ALK: variants seen among roughly 807,000 people sequenced by gnomAD.
ALK encodes ALK tyrosine kinase receptor.
A neutral mutation model predicts 163.1 loss-of-function variants in ALK; 74 were observed. That is an observed-to-expected ratio of 0.45 (90% CI 0.38 to 0.55). ALK has a LOEUF of 0.55. Ranked by LOEUF, ALK falls within the 20% of genes least tolerant of loss-of-function variation. ALK has a pLI of 0.00. For missense variants in ALK, 2,063 were observed against 2,105.3 expected (o/e 0.98, Z 0.39); for synonymous variants, 960 against 843.2 (o/e 1.14, Z -2.40).
intron 5 of ALK, among the ~76,000 whole-genome samples, chr2:29,350,667 C>T (rs1487747388): frequency 2.6e-5 from 4 of 152,218 alleles, no homozygotes; most frequent in African/African-American, 7.2e-5. Context: ...CGACCATTTA[C>T]GGAGCACCTG....
chr2:29,890,814 T>G (rs1208226515), intron 1 of ALK: 1 of 152,100 alleles, frequency 6.6e-6, no homozygotes, highest in African/African-American at 2.4e-5. Flanking sequence ...GAGACTTGCC[T>G]CAGGCCACAC....
Position 29,921,292 on chromosome 2 carries a change from T to A in ALK, c.-633A>T, listed in dbSNP as rs1306677782. 1 of 233,106 alleles carries A rather than the reference T, an allele frequency of 4.3e-6. No individual in the cohort carries two copies. The highest frequency in any genetic ancestry group is 8.5e-6 in the Non-Finnish European group (1 of 118,064). The allele number at this position is 233,106 out of a possible 1,614,324, so 14.4% of individuals were successfully genotyped here. A position where few individuals can be genotyped will look rare whatever the true frequency, so the allele number is the denominator to read the frequency against. ...TGCCTGCTGAACTTCTGGGCGTGAATCCCAGCCCCCGCGCTGCGCAAGTTT... is the reference window on the plus strand; with the variant it reads ...TGCCTGCTGAACTTCTGGGCGTGAAACCCAGCCCCCGCGCTGCGCAAGTTT... On this transcript the variant is annotated 5_prime_UTR_variant, in exon 1 of 29. Transcript: ENST00000389048.
intron 4 of ALK, among the ~76,000 whole-genome samples, chr2:29,501,674 T>C (rs1406375380): frequency 2.0e-5 from 3 of 152,240 alleles, no homozygotes; most frequent in Non-Finnish European, 4.4e-5. Flanking sequence ...AAAACATTTT[T>C]TTTTATTGTG....
At position 29,381,456 on chromosome 2, in the gene ALK, C is replaced by T. The variant is rs760771726; in HGVS notation, c.1282+2276G>A. On this transcript the variant is annotated intron_variant, in intron 5 of 28. Coordinates refer to ENST00000389048, the MANE Select transcript of ALK (RefSeq NM_004304.5). ...CCACAGATAGATATTGTCTCCAATG[C>T]GGGGAGAATTGTCCCATGTCTCCTT... Among the ~76,000 whole-genome samples the T allele has an allele frequency of 1.4e-4, 22 of 152,322 alleles. No individual in the cohort carries two copies. The East Asian group carries it at 1.5e-3, about 11-fold the overall frequency.
chr2:29,611,226 T>C (rs1675682873), intron 3 of ALK, among the ~76,000 whole-genome samples: 1 of 152,060 alleles, frequency 6.6e-6, no homozygotes, highest in South Asian at 2.1e-4. Context: ...ATAGGCATTA[T>C]TTGGGTGGAT....
intron 3 of ALK, among the ~76,000 whole-genome samples, chr2:29,682,775 C>A (rs1294448542): frequency 9.2e-5 from 14 of 152,162 alleles, no homozygotes. Context: ...ATTGTAGGCA[C>A]CTTGCCTAAG....
chr2:29,274,456 G>A (rs1257539464), intron 11 of ALK, among the ~76,000 whole-genome samples: 3 of 152,244 alleles, frequency 2.0e-5, no homozygotes, highest in Non-Finnish European at 4.4e-5. Context: ...GCATGGGGCT[G>A]GGGCAGCCTT....
At chr2:29,552,441 A>T (rs1290759102) in intron 3 of ALK, among the ~76,000 whole-genome samples, 2 of 152,148 alleles carry the variant, frequency 1.3e-5, no homozygotes, top group East Asian at 3.9e-4. Context: ...TTCCATGGCA[A>T]CTACACCACT....
chr2:29,548,367 G>A (rs180693016), intron 3 of ALK, among the ~76,000 whole-genome samples: 147 of 152,162 alleles, frequency 9.7e-4, no homozygotes, highest in African/African-American at 3.5e-3. Flanking sequence ...CAGCTACTCC[G>A]GAGGTTGAGG....
intron 3 of ALK, among the ~76,000 whole-genome samples, chr2:29,667,614 C>T (rs1346504120): frequency 2.0e-5 from 3 of 151,944 alleles, no homozygotes; most frequent in African/African-American, 7.2e-5. Context: ...TATGTTGAAC[C>T]ATCCTTGCAT....
At chr2:29,494,904 C>T (rs532802997) in intron 4 of ALK, among the ~76,000 whole-genome samples, 3 of 150,812 alleles carry the variant, frequency 2.0e-5, no homozygotes, top group East Asian at 3.9e-4. Flanking sequence ...CACATAGTCT[C>T]TTAGTTCCTC....
chr2:29,737,670 C>T (rs1679931480), intron 1 of ALK, among the ~76,000 whole-genome samples: 1 of 152,052 alleles, frequency 6.6e-6, no homozygotes, highest in African/African-American at 2.4e-5. Context: ...CAGAATACAA[C>T]AAGCAGGTGG....
At chr2:29,238,760 T>C (rs1023536580) in intron 13 of ALK, among the ~76,000 whole-genome samples, 1 of 152,184 alleles carries the variant, frequency 6.6e-6, no homozygotes, top group Admixed American at 6.5e-5. Flanking sequence ...TCCTGCCTGC[T>C]TGGGAACTTC....
chr2:29,436,059 G>T (rs192846358), intron 4 of ALK, among the ~76,000 whole-genome samples: 170 of 152,084 alleles, frequency 1.1e-3, no homozygotes, highest in Non-Finnish European at 2.2e-3. Flanking sequence ...CCAGTATCAA[G>T]CAAATGATAC....
chr2:29,248,925 G>A (rs775056426), intron 12 of ALK, among the ~76,000 whole-genome samples: 5 of 152,256 alleles, frequency 3.3e-5, no homozygotes, highest in African/African-American at 4.8e-5. Context: ...TGGGGTCGGC[G>A]TGTTCTTGGA....
chr2:29,346,537 T>C (rs997842454), intron 5 of ALK, among the ~76,000 whole-genome samples: 8 of 152,260 alleles, frequency 5.3e-5, no homozygotes, highest in African/African-American at 1.9e-4. Flanking sequence ...GCGAGGTTTC[T>C]GAATCACACT....
chr2:29,345,972 G>T (rs1191897655), intron 5 of ALK, among the ~76,000 whole-genome samples: 5 of 152,164 alleles, frequency 3.3e-5, no homozygotes, highest in Non-Finnish European at 7.3e-5. Context: ...TATCTCTAAG[G>T]GAGAGGATTA....
At chr2:29,765,887 A>G (rs2255240) in intron 1 of ALK, among the ~76,000 whole-genome samples, 137,952 of 152,164 alleles carry the variant, frequency 0.91, 62,759 homozygotes, top group African/African-American at 0.94. Flanking sequence ...CCAACATGAT[A>G]TCACTGAACA....
intron 5 of ALK, among the ~76,000 whole-genome samples, chr2:29,343,286 G>A (rs1259279537): frequency 6.8e-6 from 1 of 147,948 alleles, no homozygotes; most frequent in African/African-American, 2.5e-5. Context: ...ATGGCTCACA[G>A]CAGCTTCAGC....
Sources: allele counts gnomAD v4.1 joint callset (sites outside exome capture counted in the v4.1 genomes callset), GRCh38; gene constraint gnomAD v4.1.1; transcripts MANE v1.5; gene names NCBI Gene and HGNC (gene_info 2026-07-23, HGNC 2026-07-21).